JAG2: variants seen among roughly 807,000 people sequenced by gnomAD.
The protein encoded by JAG2 is protein jagged-2.
Under a neutral mutation model 141.7 loss-of-function variants are expected in JAG2, and 46 were observed. The observed-to-expected ratio is 0.32, with a 90% CI of 0.26 to 0.42. The LOEUF (loss-of-function observed/expected upper bound fraction) is 0.42. Ranked by LOEUF, JAG2 falls within the 10% of genes least tolerant of loss-of-function variation. The pLI is 1.00. For missense variants in JAG2, 1,500 were observed against 1,817.5 expected (o/e 0.83, Z 3.18); for synonymous variants, 862 against 763.5 (o/e 1.13, Z -2.13).
At chr14:105,151,151 C>A in intron 9 of JAG2, 47 bp from the exon 10 acceptor site, 1 of 1,554,970 alleles carries the variant, frequency 6.4e-7, no homozygotes, top group African/African-American at 1.4e-5. Flanking sequence ...GCCCTGCCTG[C>A]CCCCTGCAGC....
Position 105,168,407 on chromosome 14 carries a change from C to T in JAG2, c.14G>A (p.Gly5Asp). The change falls in exon 1 of 26, where the codon GGC becomes GAC. Residue 5 changes from glycine to aspartate, a missense_variant. By Grantham distance (94) the Gly-to-Asp change is moderately conservative. This residue lies in a region of JAG2 where 200 missense variants were observed against 174.3 expected (regional missense o/e 1.15). Transcript: ENST00000331782. The part of the protein sequence containing the change: MRAQ[G>D]RGRLPRRLLL... ...CAGCCGCCGGGGAAGGCGCCCCCGG[C>T]CCTGCGCCCGCATTGCCCCCGCGAC... The T allele has an allele frequency of 1.0e-6, 1 of 982,850 alleles. No individual in the cohort carries two copies. Among genetic ancestry groups the T allele is most frequent in the South Asian group, 3.3e-5 (1 of 29,986 alleles). The allele number at this position is 982,850 out of a possible 1,614,324, so 60.9% of individuals were successfully genotyped here.
Position 105,143,135 on chromosome 14 carries a change from C to T in JAG2, c.3277G>A (p.Val1093Met), listed in dbSNP as rs778429234. ...LVPVLCGAFSVLWLACVVLCV... is the reference protein window; with the variant it reads ...LVPVLCGAFSMLWLACVVLCV... ...AGGACCACGCACGCCAGCCACAGCA[C>T]GCTGAAGGCACCACACAGCACAGGC... is the stretch of plus-strand genomic sequence containing the variant. Residue 1093 changes from valine to methionine, a missense_variant, in exon 26 of 26, where the codon GTG becomes ATG. Around this residue, in one of 3 missense-constraint regions of JAG2, gnomAD observed 425 missense variants for 441.0 expected, o/e 0.96. Coordinates refer to ENST00000331782, the MANE Select transcript of JAG2 (RefSeq NM_002226.5). 26 of 1,598,760 alleles carry T rather than the reference C, an allele frequency of 1.6e-5. No homozygotes were observed. The highest frequency in any genetic ancestry group is 6.7e-5 in the East Asian group (3 of 44,874).
chr14:105,151,267 C>A lies in JAG2; in HGVS notation c.1267+16G>T. 1.2e-6 allele frequency: 2 copies of A among 1,608,010 alleles called. No individual in the cohort carries two copies. Among genetic ancestry groups the A allele is most frequent in the South Asian group, 1.1e-5 (1 of 90,904 alleles). On this transcript the variant is annotated intron_variant, in intron 9 of 25. Transcript: ENST00000331782. ...TGCGCGGCCCACGTTCCCATGCACT[C>A]GCTCGGAGCCCTTACCCAGCTGGCA...
rs746476458 is a variant in JAG2, at chr14:105,168,044, G to C, written c.130C>G (p.Leu44Val). ...CCGTCACAGCAGGCGCCGCTCAGCAGCTCCCCGTTCACGTTCCGCAGCGCG... is the reference window on the plus strand; with the variant it reads ...CCGTCACAGCAGGCGCCGCTCAGCACCTCCCCGTTCACGTTCCGCAGCGCG... ...LSALRNVNGE[L>V]LSGACCDGDG... Residue 44 changes from leucine to valine, a missense_variant, in exon 2 of 26, where the codon CTG (leucine) becomes GTG (valine). Coordinates refer to ENST00000331782, the MANE Select transcript of JAG2 (RefSeq NM_002226.5). 6.3e-7 allele frequency: 1 copy of C among 1,594,074 alleles called. No homozygotes were observed. The highest frequency in any genetic ancestry group is 8.5e-7 in the Non-Finnish European group (1 of 1,176,546).
chr14:105,161,277 C>T (rs895522905), intron 2 of JAG2, among the ~76,000 whole-genome samples: 7 of 151,940 alleles, frequency 4.6e-5, no homozygotes, highest in African/African-American at 9.7e-5. Flanking sequence ...TCACTGTAGC[C>T]GCTGGACAGG....
In JAG2 at chr14:105,150,991, T is replaced by A; in HGVS notation, c.1381A>T (p.Asn461Tyr). 6.2e-7 allele frequency: 1 copy of A among 1,611,780 alleles called. No homozygotes were observed. Among genetic ancestry groups the A allele is most frequent in the Non-Finnish European group, 8.5e-7 (1 of 1,179,276 alleles). The change falls in exon 10 of 26, where the codon AAC becomes TAC. Residue 461 changes from asparagine (N) to tyrosine (Y), a missense_variant and splice_region_variant. By Grantham distance (143) the Asn-to-Tyr change is moderately radical. Transcript: ENST00000331782. ...PGWKGINCHINVNDCRGQCQH... is the reference protein window; with the variant it reads ...PGWKGINCHIYVNDCRGQCQH... ...GCCGGCGCCCACCCCCCATACTGAC[T>A]GATATGGCAGTTGATGCCCTTCCAG...
At chr14:105,150,945 C>G in intron 10 of JAG2, 34 bp from the exon 11 acceptor site, 1 of 1,593,192 alleles carries the variant, frequency 6.3e-7, no homozygotes, top group Non-Finnish European at 8.6e-7. Context: ...GAGGCGGGGT[C>G]CCATGTGCCT....
rs1334041983 is a variant in JAG2, at chr14:105,146,495, C to T, written c.2599G>A (p.Gly867Arg). 1.9e-5 allele frequency: 30 copies of T among 1,612,486 alleles called. No homozygotes were observed. The highest frequency in any genetic ancestry group is 2.7e-5 in the African/African-American group (2 of 74,920). The change falls in exon 22 of 26, where the codon GGG becomes AGG. Residue 867 changes from glycine to arginine, a missense_variant. Transcript: ENST00000331782. ...RAGPRCQEVI[G>R]FGRSCWSRGT... ...CGGGACCAGCAGGATCTCCCGAACC[C>T]GATCACTGTGGGGAGAAGGGGCTCG...
chr14:105,146,286 C>T lies in JAG2; in HGVS notation c.2709+99G>A, dbSNP rs927947122. Reference sequence around the variant, plus strand: ...CCCTGAGGGCAGACGGCTCTCAGTCCATCCGGACCCCAGCACCCGCCTCCT... The same window carrying T: ...CCCTGAGGGCAGACGGCTCTCAGTCTATCCGGACCCCAGCACCCGCCTCCT... On this transcript the variant is annotated intron_variant, in intron 22 of 25. Coordinates refer to ENST00000331782, the MANE Select transcript of JAG2 (RefSeq NM_002226.5). The T allele has an allele frequency of 5.5e-6, 6 of 1,084,584 alleles. No individual in the cohort carries two copies. In the African/African-American group the frequency reaches 6.2e-5, roughly 11 times the overall value. 67.2% of individuals were successfully genotyped at this position (1,084,584 alleles called of 1,614,324 possible). A position where few individuals can be genotyped will look rare whatever the true frequency, so the allele number is the denominator to read the frequency against.
chr14:105,145,125 A>G, intron 23 of JAG2, 64 bp from the exon 24 acceptor site: 1 of 1,595,584 alleles, frequency 6.3e-7, no homozygotes, highest in South Asian at 1.1e-5. Context: ...ACATCCCTGG[A>G]CTGGCGCTGT....
chr14:105,168,145 G>A (rs1309888351), intron 1 of JAG2, 38 bp from the exon 2 acceptor site: 4 of 1,443,368 alleles, frequency 2.8e-6, no homozygotes, highest in Non-Finnish European at 3.6e-6. Context: ...GGGAGGCGCG[G>A]GCCGGGGTCG....
At chr14:105,156,793 G>A (rs1219321446) in intron 3 of JAG2, among the ~76,000 whole-genome samples, 1 of 152,112 alleles carries the variant, frequency 6.6e-6, no homozygotes, top group Non-Finnish European at 1.5e-5. Flanking sequence ...GGCTCACGTT[G>A]TCAAGAGCCC....
chr14:105,144,892 AG>A, intron 24 of JAG2, 37 bp downstream of exon 24: 5 of 1,591,110 alleles, frequency 3.1e-6, no homozygotes, highest in Non-Finnish European at 4.3e-6. Flanking sequence ...TACGGGACCC[AG>A]GGCCCACCCA....
Position 105,154,949 on chromosome 14 carries a change from C to T in JAG2, c.788+613G>A, listed in dbSNP as rs1888536005. Among the ~76,000 whole-genome samples the T allele has an allele frequency of 2.0e-5, 3 of 150,856 alleles. No individual in the cohort carries two copies. The highest frequency in any genetic ancestry group is 7.3e-5 in the African/African-American group (3 of 40,954). ...TCCACCCCAGGATGTCTGCAGGACC[C>T]GTGCGCCTCTCCCCCTTCCACTGAC... On this transcript the variant is annotated intron_variant, in intron 5 of 25. Transcript: ENST00000331782. The surrounding 1 kb of genome is among the most constrained non-coding windows in gnomAD (Gnocchi z 4.4).
chr14:105,147,749 GCCCACACCCCT>G lies in JAG2; in HGVS notation c.2365+12_2365+22del. 1 of 1,191,298 alleles carries G rather than the reference GCCCACACCCCT, an allele frequency of 8.4e-7. No homozygotes were observed. The highest frequency in any genetic ancestry group is 1.2e-6 in the Non-Finnish European group (1 of 822,492). The allele number at this position is 1,191,298 out of a possible 1,614,324, so 73.8% of individuals were successfully genotyped here. On this transcript the variant is annotated intron_variant, in intron 18 of 25. Coordinates refer to ENST00000331782, the MANE Select transcript of JAG2 (RefSeq NM_002226.5). ...ATCTGGGTGGAGGAAAGCGGCCCCC[GCCCACACCCCT>G]CCCACACTCACTGTGAGTGCAAGTA...
chr14:105,147,594 G>A (rs1888266680), intron 18 of JAG2, 67 bp from the exon 19 acceptor site: 2 of 1,522,104 alleles, frequency 1.3e-6, no homozygotes, highest in Non-Finnish European at 1.8e-6. Flanking sequence ...CACTGTCCAG[G>A]CTGGCTTGGC....
At chr14:105,161,171 T>G in intron 2 of JAG2, among the ~76,000 whole-genome samples, 1 of 108,286 alleles carries the variant, frequency 9.2e-6, no homozygotes, top group Non-Finnish European at 1.9e-5. Flanking sequence ...GTGAGGTCTG[T>G]TGTTGGGGGT....
intron 2 of JAG2, among the ~76,000 whole-genome samples, chr14:105,163,597 G>A (rs868116542): frequency 1.7e-4 from 24 of 139,232 alleles, no homozygotes; most frequent in African/African-American, 6.5e-4. Flanking sequence ...CTGTGGTCTG[G>A]GGACAGGGCC....
Position 105,142,730 on chromosome 14 carries a change from T to C in JAG2, c.3682A>G (p.Ser1228Gly). Residue 1228 changes from serine to glycine, a missense_variant, in exon 26 of 26, where the codon AGC (serine) becomes GGC (glycine). Around this residue, in one of 3 missense-constraint regions of JAG2, gnomAD observed 425 missense variants for 441.0 expected, o/e 0.96. Transcript: ENST00000331782. ...GPKVDNRAVR[S>G]INEARYAGKE ...CCGGCGTAGCGGGCCTCATTGATGC[T>C]CCTGACCGCGCGGTTGTCCACTTTG... The C allele has an allele frequency of 1.2e-6, 2 of 1,607,980 alleles. No homozygotes were observed. The highest frequency in any genetic ancestry group is 2.7e-5 in the African/African-American group (2 of 74,758).
Sources: gnomAD v4.1 joint callset for allele counts (sites outside exome capture counted in the v4.1 genomes callset) on GRCh38, gnomAD v4.1.1 for gene constraint, gnomAD v4.1.1 regional missense constraint, Gnocchi (gnomAD v3.1) non-coding constraint, MANE v1.5 for transcripts, NCBI Gene and HGNC (gene_info 2026-07-23, HGNC 2026-07-21) for gene names.